The following SLX4IP variants were observed in gnomAD, a reference collection of about 807,000 sequenced individuals.
The protein encoded by SLX4IP is SLX4 interacting protein.
SLX4IP carries 34 observed loss-of-function variants against 32.9 expected under a neutral mutation model. The observed-to-expected ratio is 1.03, with a 90% CI of 0.79 to 1.38. SLX4IP has a LOEUF of 1.38. Among genes scored for constraint, SLX4IP ranks in the 40% most tolerant of loss-of-function variants. The pLI is 0.00. For synonymous variants in SLX4IP, 172 were observed against 171.7 expected, an observed-to-expected ratio of 1.00 and a Z score of -0.01; for missense variants, 444 against 479.0, an observed-to-expected ratio of 0.93 and a Z score of 0.68.
At chr20:10,450,825 C>T (rs1271337766) in intron 1 of SLX4IP, among the ~76,000 whole-genome samples, 1 of 152,172 alleles carries the variant, frequency 6.6e-6, no homozygotes. Flanking sequence ...GATCTCGGCT[C>T]ACTGCAAGCT....
intron 4 of SLX4IP, among the ~76,000 whole-genome samples, chr20:10,580,783 A>G (rs1450804790): frequency 6.6e-6 from 1 of 152,138 alleles, no homozygotes. Flanking sequence ...TCCTGTTCAT[A>G]CTGGCTCCTG....
Position 10,626,190 on chromosome 20 carries a change from ATTTTTTTTT to A in SLX4IP, c.*2828_*2836del, listed in dbSNP as rs71186105. The A allele has an allele frequency of 1.3e-5, 1 of 77,060 alleles. No homozygotes were observed. Among genetic ancestry groups the A allele is most frequent in the African/African-American group, 5.5e-5 (1 of 18,226 alleles). The allele number at this position is 77,060 out of a possible 1,614,324, so 4.8% of individuals were successfully genotyped here. A position where few individuals can be genotyped will look rare whatever the true frequency, so the allele number is the denominator to read the frequency against. ...CCACCACGCCCGGCTAATTTTTTGT[ATTTTTTTTT>A]TTTTTTTTTTTTTTTTAGCAGAAAC... On this transcript the variant is annotated 3_prime_UTR_variant, in exon 8 of 8. Transcript: ENST00000334534.
intron 1 of SLX4IP, among the ~76,000 whole-genome samples, chr20:10,435,734 TG>T (rs1414961148): frequency 1.3e-5 from 2 of 152,238 alleles, no homozygotes; most frequent in Non-Finnish European, 2.9e-5. Context: ...TATCAAATCA[TG>T]GCTACCTGCA....
In SLX4IP at chr20:10,596,453, T is replaced by G. The variant is rs1388146067; in HGVS notation, c.239-2222T>G. 2.0e-5 allele frequency among the ~76,000 whole-genome samples: 3 copies of G among 152,154 alleles called. No homozygotes were observed. In the East Asian group the frequency reaches 5.8e-4, roughly 29 times the overall value. ...TATGTTTCCCAGGCTGGTCTCGAGC[T>G]CCTGGCCTCAAGCAATCCTCCCACT... On this transcript the variant is annotated intron_variant, in intron 4 of 7. Coordinates refer to ENST00000334534, the MANE Select transcript of SLX4IP (RefSeq NM_001009608.3).
chr20:10,598,320 G>A (rs552460626), intron 4 of SLX4IP, among the ~76,000 whole-genome samples: 10 of 152,182 alleles, frequency 6.6e-5, no homozygotes, highest in South Asian at 4.2e-4. Context: ...TCAGGCTGGC[G>A]TGCAGTGATC....
intron 2 of SLX4IP, among the ~76,000 whole-genome samples, chr20:10,496,308 C>T (rs765822474): frequency 2.0e-5 from 3 of 152,068 alleles, no homozygotes; most frequent in Non-Finnish European, 2.9e-5. Context: ...CCTAGCTAGC[C>T]CTTTATTTTG....
chr20:10,461,450 A>G (rs1042440859), intron 2 of SLX4IP, among the ~76,000 whole-genome samples: 1 of 152,200 alleles, frequency 6.6e-6, no homozygotes, highest in South Asian at 2.1e-4. Flanking sequence ...GTTCTGACAC[A>G]TCGTATTGAA....
intron 2 of SLX4IP, among the ~76,000 whole-genome samples, chr20:10,548,938 C>T (rs1422859247): frequency 6.6e-6 from 1 of 152,166 alleles, no homozygotes; most frequent in Admixed American, 6.5e-5. Flanking sequence ...TCTTTATTCT[C>T]CCATCTCCTG....
chr20:10,534,512 A>G (rs2066020663), intron 2 of SLX4IP, among the ~76,000 whole-genome samples: 1 of 152,178 alleles, frequency 6.6e-6, no homozygotes, highest in African/African-American at 2.4e-5. Context: ...GGAGCCTTAG[A>G]AGGTTTCCGT....
intron 2 of SLX4IP, among the ~76,000 whole-genome samples, chr20:10,464,435 T>A (rs1317171040): frequency 1.3e-5 from 2 of 152,116 alleles, no homozygotes; most frequent in African/African-American, 2.4e-5. Flanking sequence ...AATCCCTGCA[T>A]TTTGGAAGGC....
intron 2 of SLX4IP, among the ~76,000 whole-genome samples, chr20:10,555,356 T>C (rs1320635947): frequency 3.3e-5 from 5 of 152,082 alleles, no homozygotes; most frequent in African/African-American, 7.3e-5. Context: ...TCTCAGAAAT[T>C]ACTTCACTCA....
intron 1 of SLX4IP, among the ~76,000 whole-genome samples, chr20:10,445,123 T>C (rs1218087009): frequency 1.3e-5 from 2 of 152,032 alleles, no homozygotes; most frequent in Non-Finnish European, 2.9e-5. Flanking sequence ...CCAGAGGATA[T>C]ACAAGTCTCA....
At chr20:10,458,641 T>C (rs1237267441) in intron 2 of SLX4IP, among the ~76,000 whole-genome samples, 1 of 152,172 alleles carries the variant, frequency 6.6e-6, no homozygotes, top group African/African-American at 2.4e-5. Flanking sequence ...CATTAGTTTG[T>C]TGAGGATAAT....
At chr20:10,438,973 G>A (rs948354626) in intron 1 of SLX4IP, among the ~76,000 whole-genome samples, 3 of 151,850 alleles carry the variant, frequency 2.0e-5, no homozygotes, top group Non-Finnish European at 4.4e-5. Flanking sequence ...CCAAAGCACT[G>A]GTATTATAGG....
At chr20:10,471,856 C>T (rs1182168362) in intron 2 of SLX4IP, among the ~76,000 whole-genome samples, 1 of 152,190 alleles carries the variant, frequency 6.6e-6, no homozygotes, top group South Asian at 2.1e-4. Context: ...CAATGATACC[C>T]TCTCTCTTCA....
chr20:10,567,664 C>G (rs573380356), intron 4 of SLX4IP, among the ~76,000 whole-genome samples: 1 of 152,336 alleles, frequency 6.6e-6, no homozygotes, highest in Non-Finnish European at 1.5e-5. Context: ...TAAATATTCT[C>G]ACACTCTATA....
chr20:10,476,823 T>C (rs999244216), intron 2 of SLX4IP, among the ~76,000 whole-genome samples: 1 of 152,154 alleles, frequency 6.6e-6, no homozygotes, highest in African/African-American at 2.4e-5. Flanking sequence ...AGGGAAGGAA[T>C]ATAATGAACA....
At chr20:10,512,754 T>TATATA (rs1157876494) in intron 2 of SLX4IP, among the ~76,000 whole-genome samples, 147 of 105,000 alleles carry the variant, frequency 1.4e-3, no homozygotes, top group Non-Finnish European at 2.6e-3. Context: ...ATATATTTTA[T>TATATA]GTATATATAT....
At chr20:10,528,190 A>G (rs1251814058) in intron 2 of SLX4IP, among the ~76,000 whole-genome samples, 1 of 152,234 alleles carries the variant, frequency 6.6e-6, no homozygotes, top group Non-Finnish European at 1.5e-5. Context: ...ATTTAATTCA[A>G]AAGTTTTCTA....
Sources: gnomAD v4.1 joint callset for allele counts (sites outside exome capture counted in the v4.1 genomes callset) on GRCh38, gnomAD v4.1.1 for gene constraint, MANE v1.5 for transcripts, NCBI Gene and HGNC (gene_info 2026-07-23, HGNC 2026-07-21) for gene names.